NRXN3: variants seen among roughly 807,000 people sequenced by gnomAD.
NRXN3 encodes the protein neurexin 3.
In NRXN3, 32 loss-of-function variants were observed where a neutral mutation model predicts 137.6. The ratio of observed to expected loss-of-function variants is 0.23; its 90% CI spans 0.18 to 0.31. The LOEUF (loss-of-function observed/expected upper bound fraction) is 0.31. NRXN3 is among the 10% of genes least tolerant of loss of function. The pLI, the probability that NRXN3 is intolerant of heterozygous loss-of-function variation, is 1.00. For missense variants in NRXN3, 1,574 were observed against 2,062.5 expected (o/e 0.76, Z 4.59); for synonymous variants, 798 against 784.5 (o/e 1.02, Z -0.29).
intron 8 of NRXN3, among the ~76,000 whole-genome samples, chr14:78,767,110 A>G (rs529882003): frequency 4.6e-5 from 7 of 152,118 alleles, no homozygotes; most frequent in Non-Finnish European, 1.0e-4. Context: ...TTGCTTTAAA[A>G]CTGCACAAAG....
intron 10 of NRXN3, among the ~76,000 whole-genome samples, chr14:78,849,676 G>A (rs1407471740): frequency 1.3e-5 from 2 of 152,074 alleles, no homozygotes; most frequent in Non-Finnish European, 2.9e-5. Flanking sequence ...ATCTCAAGCT[G>A]TTTCTCTCTA....
At chr14:78,205,901 G>A (rs1462390241) in intron 1 of NRXN3, among the ~76,000 whole-genome samples, 1 of 152,226 alleles carries the variant, frequency 6.6e-6, no homozygotes, top group African/African-American at 2.4e-5. Flanking sequence ...TAAGTGAGGA[G>A]TCTAGGTCAA....
intron 15 of NRXN3, among the ~76,000 whole-genome samples, chr14:79,027,127 A>G (rs1393803182): frequency 7.3e-5 from 11 of 149,838 alleles, no homozygotes; most frequent in Non-Finnish European, 1.5e-5. Flanking sequence ...CTATATCTGT[A>G]GATATTTTAA....
At chr14:79,038,976 T>A (rs556338072) in intron 15 of NRXN3, among the ~76,000 whole-genome samples, 43 of 151,878 alleles carry the variant, frequency 2.8e-4, no homozygotes, top group Admixed American at 5.2e-4. Context: ...TAAATTGGGT[T>A]TAGAGAAGAA....
At chr14:79,832,565 AC>A (rs1318942418) in intron 20 of NRXN3, among the ~76,000 whole-genome samples, 1 of 152,182 alleles carries the variant, frequency 6.6e-6, no homozygotes, top group Admixed American at 6.6e-5. Flanking sequence ...GAAGATGCTA[AC>A]GGCATCTAGT....
At chr14:78,823,722 G>A (rs916396106) in intron 10 of NRXN3, among the ~76,000 whole-genome samples, 3 of 152,156 alleles carry the variant, frequency 2.0e-5, no homozygotes, top group African/African-American at 7.2e-5. Context: ...TTTATGCTGA[G>A]CAGGGTAGCT....
intron 16 of NRXN3, among the ~76,000 whole-genome samples, chr14:79,629,292 A>G (rs1603262035): frequency 1.3e-5 from 2 of 152,330 alleles, no homozygotes; most frequent in Middle Eastern, 6.8e-3. Flanking sequence ...AAGCAACAAT[A>G]CACTGAATTT....
chr14:78,788,482 T>C (rs2098795814), intron 8 of NRXN3, among the ~76,000 whole-genome samples: 2 of 152,086 alleles, frequency 1.3e-5, no homozygotes, highest in African/African-American at 2.4e-5. Context: ...GTTTGTCCTG[T>C]GAAAAATACT....
chr14:79,364,567 C>T (rs2093806559), intron 15 of NRXN3, among the ~76,000 whole-genome samples: 1 of 152,078 alleles, frequency 6.6e-6, no homozygotes. Context: ...AGGCAATAAG[C>T]TTCCATTAAA....
rs550265382 is a variant in NRXN3, at chr14:79,839,163, C to T, written c.4094-22179C>T. 2.0e-5 allele frequency among the ~76,000 whole-genome samples: 3 copies of T among 151,790 alleles called. No homozygotes were observed. In the South Asian group the frequency reaches 6.3e-4, roughly 32 times the overall value. ...TTCTTATGCTGGATCAGGTAAAGGG[C>T]CCCTTCTGCTTGGTTGCTATGAATC... On this transcript the variant is annotated intron_variant, in intron 20 of 20. Transcript: ENST00000335750.
chr14:78,326,470 A>T (rs1025225161), intron 4 of NRXN3, among the ~76,000 whole-genome samples: 3 of 152,206 alleles, frequency 2.0e-5, no homozygotes, highest in Non-Finnish European at 4.4e-5. Flanking sequence ...TCCGTTTTGG[A>T]TTCCTCAGGG....
At chr14:79,028,486 G>A (rs1481481007) in intron 15 of NRXN3, among the ~76,000 whole-genome samples, 3 of 152,100 alleles carry the variant, frequency 2.0e-5, no homozygotes, top group African/African-American at 2.4e-5. Flanking sequence ...AAGGTTAAAC[G>A]TCTGACTCAT....
intron 10 of NRXN3, among the ~76,000 whole-genome samples, chr14:78,927,776 C>T (rs1164645491): frequency 6.6e-6 from 1 of 152,146 alleles, no homozygotes; most frequent in Non-Finnish European, 1.5e-5. Context: ...CAAACTTAAG[C>T]TTGCCAATGC....
At chr14:79,471,784 ATG>A (rs1047076916) in intron 16 of NRXN3, among the ~76,000 whole-genome samples, 1 of 152,158 alleles carries the variant, frequency 6.6e-6, no homozygotes. Flanking sequence ...ACTGGGGCAA[ATG>A]AAGAAAGGGT....
At chr14:79,308,963 G>T in intron 15 of NRXN3, among the ~76,000 whole-genome samples, 2 of 128,936 alleles carry the variant, frequency 1.6e-5, no homozygotes, top group South Asian at 2.5e-4. Flanking sequence ...TAAGTTTTAG[G>T]GTACATGTGC....
At chr14:78,544,975 G>A (rs1440944675) in intron 4 of NRXN3, among the ~76,000 whole-genome samples, 2 of 152,186 alleles carry the variant, frequency 1.3e-5, no homozygotes, top group Non-Finnish European at 2.9e-5. Context: ...GCATTCTTTT[G>A]TTATTGCACT....
At chr14:79,684,538 A>G (rs1160121537) in intron 17 of NRXN3, among the ~76,000 whole-genome samples, 2 of 152,250 alleles carry the variant, frequency 1.3e-5, no homozygotes, top group Non-Finnish European at 2.9e-5. Context: ...ATGTATACAG[A>G]AGGATTACTA....
chr14:78,990,614 G>T lies in NRXN3; in HGVS notation c.3262+2473G>T, dbSNP rs184398555. Among the ~76,000 whole-genome samples, 684 of 151,960 alleles carry T rather than the reference G, an allele frequency of 4.5e-3. 5 individuals carry two copies. Among genetic ancestry groups the T allele is most frequent in the South Asian group, 0.01 (50 of 4,816 alleles). ...TCTTGAACTCCTGACCTCGTGATCC[G>T]CCCTCCTCAGCCTCCCAAAGTGCTG... On this transcript the variant is annotated intron_variant, in intron 15 of 20. Coordinates refer to ENST00000335750, the MANE Select transcript of NRXN3 (RefSeq NM_001330195.2).
At chr14:79,229,272 T>A (rs1181612164) in intron 15 of NRXN3, among the ~76,000 whole-genome samples, 1 of 152,202 alleles carries the variant, frequency 6.6e-6, no homozygotes, top group Non-Finnish European at 1.5e-5. Flanking sequence ...ATCAGTTTAA[T>A]TAGGGTAAAA....
Sources: allele counts gnomAD v4.1 joint callset (sites outside exome capture counted in the v4.1 genomes callset), GRCh38; gene constraint gnomAD v4.1.1; transcripts MANE v1.5; gene names NCBI Gene and HGNC (gene_info 2026-07-23, HGNC 2026-07-21).